The following AUTS2 variants were observed in gnomAD, a reference collection of about 807,000 sequenced individuals.
The protein encoded by AUTS2 is activator of transcription and developmental regulator AUTS2.
A neutral mutation model predicts 112.4 loss-of-function variants in AUTS2; 17 were observed. The ratio of observed to expected loss-of-function variants is 0.15; its 90% CI spans 0.10 to 0.23. The LOEUF (loss-of-function observed/expected upper bound fraction) is 0.23, where lower values mean the gene tolerates loss of function less well. Among genes scored for constraint, AUTS2 ranks in the 10% least tolerant of loss-of-function variants. The pLI, the probability that AUTS2 is intolerant of heterozygous loss-of-function variation, is 1.00. For missense variants in AUTS2, 1,510 were observed against 1,701.6 expected, an observed-to-expected ratio of 0.89 and a Z score of 1.98; for synonymous variants, 751 against 702.7, an observed-to-expected ratio of 1.07 and a Z score of -1.09.
At chr7:69,901,604 A>T (rs1794973482) in intron 2 of AUTS2, among the ~76,000 whole-genome samples, 1 of 152,220 alleles carries the variant, frequency 6.6e-6, no homozygotes, top group African/African-American at 2.4e-5. Flanking sequence ...ACATATTTGA[A>T]AAGCAAGTAT....
At chr7:69,788,866 T>C (rs1192099528) in intron 1 of AUTS2, among the ~76,000 whole-genome samples, 1 of 152,020 alleles carries the variant, frequency 6.6e-6, no homozygotes, top group African/African-American at 2.4e-5. Flanking sequence ...GAACAAATAC[T>C]CTGATTAGCT....
At chr7:69,901,831 G>C (rs1008643985) in intron 2 of AUTS2, among the ~76,000 whole-genome samples, 1 of 152,170 alleles carries the variant, frequency 6.6e-6, no homozygotes, top group Admixed American at 6.5e-5. Flanking sequence ...AGAATCACTT[G>C]TGCTATTATG....
chr7:70,510,139 C>T lies in AUTS2; in HGVS notation c.690+74358C>T, dbSNP rs114048153. Among the ~76,000 whole-genome samples, 1,463 of 152,254 alleles carry T rather than the reference C, an allele frequency of 9.6e-3. 16 individuals carry two copies. Among genetic ancestry groups the T allele is most frequent in the African/African-American group, 0.034 (1,400 of 41,550 alleles). On this transcript the variant is annotated intron_variant, in intron 5 of 18. Transcript: ENST00000342771. Reference sequence around the variant, plus strand: ...CAGGAGCCTGGTGTGGCCATTTCTCCTGGGGCCTTGCTTCCTCCTGTGAGC... The same window carrying T: ...CAGGAGCCTGGTGTGGCCATTTCTCTTGGGGCCTTGCTTCCTCCTGTGAGC...
chr7:70,308,252 G>A (rs1018945471), intron 4 of AUTS2, among the ~76,000 whole-genome samples: 2 of 152,116 alleles, frequency 1.3e-5, no homozygotes, highest in South Asian at 4.1e-4. Context: ...AATCCTGTGG[G>A]CCCCAGGAGT....
intron 2 of AUTS2, among the ~76,000 whole-genome samples, chr7:70,048,563 C>A (rs1454541274): frequency 6.6e-6 from 1 of 152,156 alleles, no homozygotes; most frequent in Non-Finnish European, 1.5e-5. Context: ...TGGCACTTGG[C>A]AAATAGATGC....
intron 1 of AUTS2, among the ~76,000 whole-genome samples, chr7:69,801,165 T>A (rs1338703855): frequency 6.6e-6 from 1 of 151,228 alleles, no homozygotes; most frequent in Non-Finnish European, 1.5e-5. Context: ...ATAAACATTT[T>A]TTGACTGAAT....
chr7:70,102,677 A>G (rs771151463), intron 2 of AUTS2, among the ~76,000 whole-genome samples: 2 of 152,154 alleles, frequency 1.3e-5, no homozygotes, highest in African/African-American at 2.4e-5. Context: ...TATAGTTACA[A>G]GTCAGACAGC....
intron 5 of AUTS2, among the ~76,000 whole-genome samples, chr7:70,497,054 C>T (rs1798574038): frequency 9.3e-6 from 1 of 107,108 alleles, no homozygotes. Flanking sequence ...ATCACATCAG[C>T]GTCGATCACA....
At position 70,627,994 on chromosome 7, in the gene AUTS2, G is replaced by A. The variant is rs1434854986; in HGVS notation, c.691-70575G>A. 6.6e-5 allele frequency among the ~76,000 whole-genome samples: 10 copies of A among 152,160 alleles called. No homozygotes were observed. The South Asian group carries it at 1.2e-3, about 19-fold the overall frequency. ...AAGCTTGCCGGGATACTCTTTCCCC[G>A]TCTTTCACCTGGCTGATGGAAGAGC... On this transcript the variant is annotated intron_variant, in intron 5 of 18. Coordinates refer to ENST00000342771, the MANE Select transcript of AUTS2 (RefSeq NM_015570.4).
chr7:70,008,733 T>G (rs919208436), intron 2 of AUTS2, among the ~76,000 whole-genome samples: 1 of 152,164 alleles, frequency 6.6e-6, no homozygotes. Context: ...TTTCTGAAAA[T>G]TTTGAAAATT....
intron 5 of AUTS2, among the ~76,000 whole-genome samples, chr7:70,507,176 G>A (rs1357199323): frequency 3.3e-5 from 5 of 152,162 alleles, no homozygotes; most frequent in Non-Finnish European, 7.4e-5. Flanking sequence ...CTTGCCTTGC[G>A]TATTCCCTCT....
chr7:70,161,871 G>T (rs1285817269), intron 4 of AUTS2, among the ~76,000 whole-genome samples: 1 of 152,054 alleles, frequency 6.6e-6, no homozygotes, highest in African/African-American at 2.4e-5. Flanking sequence ...GAATTACAGG[G>T]GCAGTATTTC....
At chr7:70,569,937 T>C (rs1046779728) in intron 5 of AUTS2, among the ~76,000 whole-genome samples, 1 of 152,164 alleles carries the variant, frequency 6.6e-6, no homozygotes. Flanking sequence ...CTCAAGAAAC[T>C]TGTTAAAACT....
intron 1 of AUTS2, among the ~76,000 whole-genome samples, chr7:69,683,206 A>C: frequency 6.6e-6 from 1 of 152,154 alleles, no homozygotes; most frequent in Non-Finnish European, 1.5e-5. Context: ...CTCCTATCCT[A>C]GTCTTTTAAT....
intron 4 of AUTS2, among the ~76,000 whole-genome samples, chr7:70,172,202 C>T (rs1808738926): frequency 6.6e-6 from 1 of 152,168 alleles, no homozygotes. Context: ...CCTGATCTCT[C>T]TGTTCCCCAG....
At chr7:70,260,658 C>T (rs1466675772) in intron 4 of AUTS2, among the ~76,000 whole-genome samples, 1 of 151,838 alleles carries the variant, frequency 6.6e-6, no homozygotes, top group East Asian at 1.9e-4. Flanking sequence ...GGCATTTAAA[C>T]GATAGCATAT....
intron 1 of AUTS2, among the ~76,000 whole-genome samples, chr7:69,655,305 A>T (rs576892907): frequency 6.6e-6 from 1 of 152,228 alleles, no homozygotes; most frequent in Admixed American, 6.5e-5. Flanking sequence ...TTGTGGATAT[A>T]AAAAGCTCTA....
chr7:70,496,597 TCACA>T (rs1269735428), intron 5 of AUTS2, among the ~76,000 whole-genome samples: 1 of 99,740 alleles, frequency 1.0e-5, no homozygotes, highest in African/African-American at 4.0e-5. Flanking sequence ...TCAGCATCAA[TCACA>T]CACCCCACTC....
At chr7:70,592,867 T>G (rs1652721701) in intron 5 of AUTS2, among the ~76,000 whole-genome samples, 1 of 152,192 alleles carries the variant, frequency 6.6e-6, no homozygotes. Context: ...TTGTTTTTTA[T>G]TAGAGACGGT....
Sources: gnomAD v4.1 joint callset for allele counts (sites outside exome capture counted in the v4.1 genomes callset) on GRCh38, gnomAD v4.1.1 for gene constraint, MANE v1.5 for transcripts, NCBI Gene and HGNC (gene_info 2026-07-23, HGNC 2026-07-21) for gene names.